Variants in PAM observed in about 807,000 individuals in gnomAD.
PAM encodes the protein peptidylglycine alpha-amidating monooxygenase.
A neutral mutation model predicts 122.1 loss-of-function variants in PAM; 72 were observed. The observed-to-expected ratio is 0.59, with a 90% CI of 0.49 to 0.72. PAM has a LOEUF of 0.72. Ranked by LOEUF, PAM falls within the 30% of genes least tolerant of loss-of-function variation. PAM has a pLI of 0.00. For missense variants in PAM, 1,106 were observed against 1,183.7 expected, an observed-to-expected ratio of 0.93 and a Z score of 0.96; for synonymous variants, 389 against 404.4, an observed-to-expected ratio of 0.96 and a Z score of 0.46.
intron 12 of PAM, among the ~76,000 whole-genome samples, chr5:102,952,233 C>T (rs1759192092): frequency 6.6e-6 from 1 of 152,006 alleles, no homozygotes; most frequent in African/African-American, 2.4e-5. Flanking sequence ...AGGTTTGTTA[C>T]TTTGGCCAAA....
At chr5:103,013,615 T>A (rs575781219) in intron 21 of PAM, among the ~76,000 whole-genome samples, 1 of 152,312 alleles carries the variant, frequency 6.6e-6, no homozygotes, top group East Asian at 1.9e-4. Flanking sequence ...GTGGTAAAAG[T>A]AAAATGCTTC....
chr5:103,012,918 G>A (rs944651936), intron 21 of PAM, among the ~76,000 whole-genome samples: 3 of 151,704 alleles, frequency 2.0e-5, no homozygotes, highest in Non-Finnish European at 2.9e-5. Context: ...TTCTCTATGC[G>A]ATTCCATTGG....
chr5:103,001,345 CTAT>C (rs1777312608), intron 16 of PAM, among the ~76,000 whole-genome samples: 1 of 152,010 alleles, frequency 6.6e-6, no homozygotes, highest in Non-Finnish European at 1.5e-5. Context: ...TTTAATAATA[CTAT>C]GAGTATTCTT....
chr5:102,904,098 G>A (rs11953087), intron 4 of PAM, among the ~76,000 whole-genome samples: 19,710 of 151,358 alleles, frequency 0.13, 3,125 homozygotes, highest in African/African-American at 0.37. Context: ...CTATAGGGTA[G>A]CCTATGCTTT....
At chr5:102,901,249 C>A in intron 3 of PAM, 107 bp from the exon 4 acceptor site, 1 of 652,130 alleles carries the variant, frequency 1.5e-6, no homozygotes, top group Non-Finnish European at 2.8e-6. Flanking sequence ...AGGAAAACTA[C>A]CCTCACTGAC....
At chr5:102,979,235 A>G (rs1179429295) in intron 15 of PAM, among the ~76,000 whole-genome samples, 1 of 152,172 alleles carries the variant, frequency 6.6e-6, no homozygotes, top group East Asian at 1.9e-4. Context: ...CTCATTTGCA[A>G]TTAAAGAAAT....
At chr5:102,848,940 A>G (rs1561621658) in intron 1 of PAM, among the ~76,000 whole-genome samples, 1 of 152,198 alleles carries the variant, frequency 6.6e-6, no homozygotes, top group Non-Finnish European at 1.5e-5. Flanking sequence ...GCCTAGCAAG[A>G]TGAATGAGAA....
At chr5:102,837,323 C>T (rs1367597292) in intron 1 of PAM, among the ~76,000 whole-genome samples, 1 of 152,134 alleles carries the variant, frequency 6.6e-6, no homozygotes, top group African/African-American at 2.4e-5. Context: ...CTTCTGTCCC[C>T]TTCCAAAATG....
rs1161069390 is a variant in PAM at position 102,770,139 on chromosome 5, T to G, written c.-374+14791T>G. On this transcript the variant is annotated intron_variant, in intron 1 of 25. Transcript: ENST00000438793. Reference sequence around the variant, plus strand: ...CTTTTTTAATAGGATTTTAAAAAATTTCTTCTTCAGATTGTTTGGCTGTTG... The same window carrying G: ...CTTTTTTAATAGGATTTTAAAAAATGTCTTCTTCAGATTGTTTGGCTGTTG... Among the ~76,000 whole-genome samples, 9 of 152,122 alleles carry G rather than the reference T, an allele frequency of 5.9e-5. No homozygotes were observed. The East Asian group carries it at 1.7e-3, about 29-fold the overall frequency.
intron 1 of PAM, among the ~76,000 whole-genome samples, chr5:102,861,078 C>T (rs1784046421): frequency 6.6e-6 from 1 of 152,180 alleles, no homozygotes; most frequent in South Asian, 2.1e-4. Flanking sequence ...AGAGAAGCCA[C>T]ATATTGAGGA....
intron 3 of PAM, among the ~76,000 whole-genome samples, chr5:102,892,909 A>G (rs1795151290): frequency 6.6e-6 from 1 of 151,850 alleles, no homozygotes; most frequent in African/African-American, 2.4e-5. Flanking sequence ...TTATATATGT[A>G]GCAGAGTCTC....
At chr5:102,768,241 T>C (rs1688967984) in intron 1 of PAM, among the ~76,000 whole-genome samples, 1 of 152,168 alleles carries the variant, frequency 6.6e-6, no homozygotes, top group Non-Finnish European at 1.5e-5. Flanking sequence ...AGTAGGTATA[T>C]ATATTTATGG....
intron 20 of PAM, among the ~76,000 whole-genome samples, chr5:103,008,082 T>A (rs1490643324): frequency 2.0e-5 from 3 of 152,084 alleles, no homozygotes; most frequent in African/African-American, 7.2e-5. Context: ...TAAAAATAAG[T>A]GTGGCTTATG....
intron 16 of PAM, among the ~76,000 whole-genome samples, chr5:102,999,397 TTGAG>T (rs1562193512): frequency 1.3e-5 from 2 of 152,218 alleles, no homozygotes; most frequent in Non-Finnish European, 2.9e-5. Context: ...ACAGTTGGCA[TTGAG>T]TGTCTGTTGC....
chr5:102,759,176 A>C (rs1751580842), intron 1 of PAM, among the ~76,000 whole-genome samples: 1 of 151,910 alleles, frequency 6.6e-6, no homozygotes, highest in African/African-American at 2.4e-5. Flanking sequence ...TAGTGAAGAG[A>C]ACCTCAGAAG....
chr5:102,866,644 T>C (rs775143572), intron 2 of PAM: 10 of 217,852 alleles, frequency 4.6e-5, no homozygotes, highest in Non-Finnish European at 7.4e-5. Flanking sequence ...AAGCAGATCA[T>C]AGACTGTAAT....
At chr5:103,022,003 TA>T (rs546554207) in intron 23 of PAM, among the ~76,000 whole-genome samples, 18 of 150,726 alleles carry the variant, frequency 1.2e-4, no homozygotes, top group East Asian at 5.8e-4. Flanking sequence ...TTTCAGATGA[TA>T]AAAAAAAACT....
At chr5:102,851,976 G>A (rs10515336) in intron 1 of PAM, among the ~76,000 whole-genome samples, 17,263 of 152,118 alleles carry the variant, frequency 0.11, 2,310 homozygotes, top group African/African-American at 0.32. Flanking sequence ...GGAACAAAAT[G>A]CAAATTCTAC....
intron 1 of PAM, among the ~76,000 whole-genome samples, chr5:102,792,366 A>G (rs1236143365): frequency 1.3e-5 from 2 of 152,204 alleles, no homozygotes; most frequent in Non-Finnish European, 2.9e-5. Flanking sequence ...GGGAAAGACT[A>G]TGGAGGTTAC....
Sources: allele counts gnomAD v4.1 joint callset (sites outside exome capture counted in the v4.1 genomes callset), GRCh38; gene constraint gnomAD v4.1.1; transcripts MANE v1.5; gene names NCBI Gene and HGNC (gene_info 2026-07-23, HGNC 2026-07-21).